KLF12: variants seen among roughly 807,000 people sequenced by gnomAD.
KLF12 encodes the protein KLF transcription factor 12, also known as Krueppel-like factor 12.
KLF12 carries 9 observed loss-of-function variants against 37.8 expected under a neutral mutation model. The ratio of observed to expected loss-of-function variants is 0.24; its 90% CI spans 0.14 to 0.42. The LOEUF is 0.42. KLF12 is among the 10% of genes least tolerant of loss of function. KLF12 has a pLI of 1.00. For synonymous variants in KLF12, 208 were observed against 202.1 expected, an observed-to-expected ratio of 1.03 and a Z score of -0.25; for missense variants, 411 against 516.0, an observed-to-expected ratio of 0.80 and a Z score of 1.97.
At chr13:74,250,988 C>T in the KLF12 span, among the ~76,000 whole-genome samples, 1 of 152,166 alleles carries the variant, frequency 6.6e-6, no homozygotes, top group Non-Finnish European at 1.5e-5. Flanking sequence ...TCTCCATCCC[C>T]TGGATACAGC....
the KLF12 span, among the ~76,000 whole-genome samples, chr13:74,193,613 C>T: frequency 6.6e-6 from 1 of 152,192 alleles, no homozygotes; most frequent in South Asian, 2.1e-4. Context: ...CCAATTTCCT[C>T]CAAGCCTTCA....
intron 7 of KLF12, among the ~76,000 whole-genome samples, chr13:73,702,380 A>G (rs914461833): frequency 6.6e-6 from 1 of 152,170 alleles, no homozygotes; most frequent in African/African-American, 2.4e-5. Flanking sequence ...AACCCACCAA[A>G]CAAAAATAAC....
At chr13:73,813,697 C>T (rs567793775) in intron 4 of KLF12, among the ~76,000 whole-genome samples, 20 of 152,030 alleles carry the variant, frequency 1.3e-4, no homozygotes, top group African/African-American at 3.1e-4. Flanking sequence ...AGAGAGCATG[C>T]GGAAAGGAGA....
intron 1 of KLF12, among the ~76,000 whole-genome samples, chr13:74,038,329 G>A (rs1427103256): frequency 5.9e-5 from 9 of 152,152 alleles, no homozygotes; most frequent in African/African-American, 9.7e-5. Context: ...CATGCATTCA[G>A]TCAATCATGT....
chr13:73,809,887 C>T (rs2325567), intron 5 of KLF12, among the ~76,000 whole-genome samples: 51,070 of 151,842 alleles, frequency 0.34, 8,956 homozygotes, highest in East Asian at 0.64. Flanking sequence ...TCCCATGATA[C>T]ACATGCAACT....
chr13:74,197,426 C>G, the KLF12 span, among the ~76,000 whole-genome samples: 2 of 151,290 alleles, frequency 1.3e-5, no homozygotes, highest in Non-Finnish European at 2.9e-5. Context: ...GTGTAAGGAT[C>G]ATTCTCCCTC....
At chr13:73,785,752 A>G (rs1321203596) in intron 5 of KLF12, among the ~76,000 whole-genome samples, 1 of 152,072 alleles carries the variant, frequency 6.6e-6, no homozygotes. Flanking sequence ...CTTATTTTTG[A>G]CTGCTATTGC....
At chr13:74,045,860 C>T in intron 1 of KLF12, among the ~76,000 whole-genome samples, 1 of 152,204 alleles carries the variant, frequency 6.6e-6, no homozygotes, top group South Asian at 2.1e-4. Flanking sequence ...GCGCTCCAAG[C>T]TGCCAGGATG....
chr13:73,763,885 C>T (rs902539372), intron 6 of KLF12, among the ~76,000 whole-genome samples: 2 of 152,138 alleles, frequency 1.3e-5, no homozygotes, highest in African/African-American at 2.4e-5. Context: ...CTCTGTGCCC[C>T]ATTTCCCCCT....
chr13:73,838,969 C>T (rs1485958576), intron 4 of KLF12, among the ~76,000 whole-genome samples: 1 of 152,174 alleles, frequency 6.6e-6, no homozygotes, highest in Non-Finnish European at 1.5e-5. Flanking sequence ...TCAATCACAT[C>T]CTTGCTCAAG....
chr13:74,239,960 T>A, the KLF12 span, among the ~76,000 whole-genome samples: 1 of 151,416 alleles, frequency 6.6e-6, no homozygotes, highest in Non-Finnish European at 1.5e-5. Flanking sequence ...GTTAATAGTG[T>A]TATGTGTGAA....
At chr13:73,736,191 G>T (rs1185778601) in intron 6 of KLF12, among the ~76,000 whole-genome samples, 4 of 151,868 alleles carry the variant, frequency 2.6e-5, no homozygotes, top group Non-Finnish European at 5.9e-5. Context: ...TCACCTCTTG[G>T]TTCCTCCATT....
the KLF12 span, among the ~76,000 whole-genome samples, chr13:74,216,256 C>CCA: frequency 5.9e-5 from 9 of 151,844 alleles, no homozygotes; most frequent in African/African-American, 1.9e-4. Context: ...GTTTAAATAC[C>CCA]CACACACACA....
At chr13:73,794,464 G>T (rs1881854804) in intron 5 of KLF12, among the ~76,000 whole-genome samples, 1 of 152,090 alleles carries the variant, frequency 6.6e-6, no homozygotes, top group Non-Finnish European at 1.5e-5. Flanking sequence ...TGTCTCAAAA[G>T]ATACAAATAA....
the KLF12 span, among the ~76,000 whole-genome samples, chr13:74,234,116 G>A: frequency 6.6e-6 from 1 of 152,110 alleles, no homozygotes; most frequent in African/African-American, 2.4e-5. Context: ...GGAACTCTCA[G>A]TACTTCCTGT....
At chr13:73,828,895 A>ACT (rs34942281) in intron 4 of KLF12, among the ~76,000 whole-genome samples, 38,710 of 151,924 alleles carry the variant, frequency 0.25, 5,098 homozygotes, top group East Asian at 0.49. Context: ...TATTTCCAAG[A>ACT]GTGCATTTTT....
At chr13:73,851,285 C>T (rs545046988) in intron 3 of KLF12, among the ~76,000 whole-genome samples, 8 of 152,306 alleles carry the variant, frequency 5.3e-5, no homozygotes, top group African/African-American at 1.9e-4. Context: ...CACAGAATCT[C>T]ATAAATACAG....
At chr13:74,065,611 A>C (rs1456969248) in intron 1 of KLF12, among the ~76,000 whole-genome samples, 1 of 152,062 alleles carries the variant, frequency 6.6e-6, no homozygotes, top group Admixed American at 6.5e-5. Context: ...TGGGATAGAG[A>C]AGTGGATATA....
At position 73,922,494 on chromosome 13, in the gene KLF12, T is replaced by C. The variant is rs372638895; in HGVS notation, c.123+21487A>G. On this transcript the variant is annotated intron_variant, in intron 3 of 7. Coordinates refer to ENST00000377669, the MANE Select transcript of KLF12 (RefSeq NM_007249.5). ...GGAGAACAGTGTGACATGAATCTTA[T>C]GTGTAAGATTTTATACAATTTGTTT... is the stretch of plus-strand genomic sequence containing the variant. Among the ~76,000 whole-genome samples, 13 of 152,224 alleles carry C rather than the reference T, an allele frequency of 8.5e-5. No individual in the cohort carries two copies. The East Asian group carries it at 9.6e-4, about 11-fold the overall frequency.
Sources: allele counts gnomAD v4.1 joint callset (sites outside exome capture counted in the v4.1 genomes callset), GRCh38; gene constraint gnomAD v4.1.1; transcripts MANE v1.5; gene names NCBI Gene and HGNC (gene_info 2026-07-23, HGNC 2026-07-21).